EYS: variants seen among roughly 807,000 people sequenced by gnomAD.
The protein encoded by EYS is EGF-like photoreceptor maintenance factor.
Under a neutral mutation model 282.1 loss-of-function variants are expected in EYS, and 250 were observed. The observed-to-expected ratio is 0.89, with a 90% CI of 0.80 to 0.98. The LOEUF (loss-of-function observed/expected upper bound fraction) is 0.98, where lower values mean the gene tolerates loss of function less well. EYS is among the 50% of genes least tolerant of loss of function. EYS has a pLI of 0.00. For synonymous variants in EYS, 1,355 were observed against 1,282.9 expected (o/e 1.06, Z -1.20); for missense variants, 4,016 against 3,709.0 (o/e 1.08, Z -2.15).
intron 35 of EYS, among the ~76,000 whole-genome samples, chr6:63,910,244 G>A (rs1773881377): frequency 6.6e-6 from 1 of 152,164 alleles, no homozygotes; most frequent in Non-Finnish European, 1.5e-5. Flanking sequence ...GCCACTTAAA[G>A]AAGGAACCCA....
At chr6:64,160,006 T>C (rs956510477) in intron 31 of EYS, among the ~76,000 whole-genome samples, 2 of 152,180 alleles carry the variant, frequency 1.3e-5, no homozygotes, top group Non-Finnish European at 2.9e-5. Context: ...AAAACTGAGG[T>C]ACAAACAGGT....
At chr6:64,066,807 C>T (rs562418695) in intron 32 of EYS, among the ~76,000 whole-genome samples, 1 of 152,042 alleles carries the variant, frequency 6.6e-6, no homozygotes, top group Admixed American at 6.6e-5. Context: ...AGAGTAACTA[C>T]TGTGAGTATT....
At chr6:64,045,346 G>T (rs11753547) in intron 33 of EYS, among the ~76,000 whole-genome samples, 49,538 of 150,724 alleles carry the variant, frequency 0.33, 8,451 homozygotes, top group African/African-American at 0.43. Context: ...TATTTTTCCC[G>T]AAGAGTAACT....
chr6:64,286,853 G>C (rs1283482550), intron 30 of EYS, among the ~76,000 whole-genome samples: 1 of 152,056 alleles, frequency 6.6e-6, no homozygotes, highest in Non-Finnish European at 1.5e-5. Flanking sequence ...CAAACTATCA[G>C]TTTGTCTTTA....
At chr6:64,644,818 G>A (rs781776657) in intron 22 of EYS, among the ~76,000 whole-genome samples, 19 of 152,146 alleles carry the variant, frequency 1.2e-4, no homozygotes, top group Non-Finnish European at 2.4e-4. Context: ...CATATTCTCA[G>A]GGTTAGTGCA....
chr6:64,080,425 A>T (rs983398614), intron 32 of EYS, among the ~76,000 whole-genome samples: 2 of 151,670 alleles, frequency 1.3e-5, no homozygotes, highest in African/African-American at 2.4e-5. Flanking sequence ...TTTTCTTGTA[A>T]ATTTGAGTTC....
At chr6:64,352,704 C>T (rs578166032) in intron 29 of EYS, among the ~76,000 whole-genome samples, 1 of 151,570 alleles carries the variant, frequency 6.6e-6, no homozygotes, top group African/African-American at 2.4e-5. Flanking sequence ...AACATACTTG[C>T]TTACTCATTT....
intron 6 of EYS, among the ~76,000 whole-genome samples, chr6:65,402,883 T>C (rs757971027): frequency 6.6e-6 from 1 of 152,046 alleles, no homozygotes; most frequent in Non-Finnish European, 1.5e-5. Flanking sequence ...ATGGAGACAA[T>C]GATGCTTTAA....
chr6:65,330,289 A>G (rs1252360573), intron 11 of EYS: 16 of 945,038 alleles, frequency 1.7e-5, no homozygotes, highest in Admixed American at 6.2e-5. Context: ...ATGAATGAAT[A>G]TATTTCATTC....
intron 8 of EYS, among the ~76,000 whole-genome samples, chr6:65,368,872 AAG>A (rs1175092470): frequency 6.6e-6 from 1 of 151,582 alleles, no homozygotes; most frequent in African/African-American, 2.4e-5. Context: ...ATGTCCACGA[AAG>A]AGAGAGATGA....
intron 31 of EYS, among the ~76,000 whole-genome samples, chr6:64,151,106 C>T (rs1774688982): frequency 6.6e-6 from 1 of 151,024 alleles, no homozygotes; most frequent in Admixed American, 6.6e-5. Context: ...CATATTCAAA[C>T]TTTTCAATAA....
intron 26 of EYS, among the ~76,000 whole-genome samples, chr6:64,531,596 T>TTATTTTATTTTATTTTATTG (rs1053449220): frequency 8.7e-5 from 13 of 149,638 alleles, no homozygotes; most frequent in South Asian, 6.3e-4. Context: ...TTATTTTATT[T>TTATTTTATTTTATTTTATTG]TATTTTTTGT....
At chr6:63,858,943 G>C (rs558075586) in intron 36 of EYS, among the ~76,000 whole-genome samples, 1 of 151,962 alleles carries the variant, frequency 6.6e-6, no homozygotes, top group African/African-American at 2.4e-5. Context: ...GTGATTATTC[G>C]TGTCCCTGGA....
chr6:65,559,580 C>T (rs1674487869), intron 2 of EYS, among the ~76,000 whole-genome samples: 1 of 151,978 alleles, frequency 6.6e-6, no homozygotes, highest in South Asian at 2.1e-4. Context: ...CAAACCCAAA[C>T]AGGAATAACT....
chr6:64,122,165 A>C (rs143771580), intron 31 of EYS, among the ~76,000 whole-genome samples: 2,933 of 152,246 alleles, frequency 0.019, 79 homozygotes, highest in African/African-American at 0.066. Flanking sequence ...ATTTACCTAC[A>C]GATTTAGGAT....
At chr6:64,606,963 C>G (rs2149841546) in intron 24 of EYS, among the ~76,000 whole-genome samples, 1 of 152,094 alleles carries the variant, frequency 6.6e-6, no homozygotes, top group South Asian at 2.1e-4. Flanking sequence ...ACAGGTCTTC[C>G]TTCCTACGCA....
Position 64,151,705 on chromosome 6 carries a change from AT to A in EYS, c.6425-69704del, listed in dbSNP as rs1774745734. On this transcript the variant is annotated intron_variant, in intron 31 of 42. Coordinates refer to ENST00000503581, the MANE Select transcript of EYS (RefSeq NM_001142800.2). Reference sequence around the variant, plus strand: ...AGTATATATATCATCACTTTAAAATATTGATATGACTATATACTTGTATTTC... The same window carrying A: ...AGTATATATATCATCACTTTAAAATATGATATGACTATATACTTGTATTTC... Among the ~76,000 whole-genome samples, 3 of 152,098 alleles carry A rather than the reference AT, an allele frequency of 2.0e-5. No homozygotes were observed. The South Asian group carries it at 6.2e-4, about 31-fold the overall frequency.
chr6:65,662,787 T>C (rs1768051726), intron 1 of EYS, among the ~76,000 whole-genome samples: 1 of 152,126 alleles, frequency 6.6e-6, no homozygotes, highest in Non-Finnish European at 1.5e-5. Flanking sequence ...TAAACAGTAC[T>C]ATAGAGAAAA....
At chr6:65,654,135 T>C (rs1767742291) in intron 1 of EYS, among the ~76,000 whole-genome samples, 1 of 151,942 alleles carries the variant, frequency 6.6e-6, no homozygotes, top group African/African-American at 2.4e-5. Context: ...AGACAACCCC[T>C]CGGCTTTACT....
Sources: gnomAD v4.1 joint callset for allele counts (sites outside exome capture counted in the v4.1 genomes callset) on GRCh38, gnomAD v4.1.1 for gene constraint, MANE v1.5 for transcripts, NCBI Gene and HGNC (gene_info 2026-07-23, HGNC 2026-07-21) for gene names.